HECTD4: variants seen among roughly 807,000 people sequenced by gnomAD.
HECTD4 encodes HECT domain E3 ubiquitin protein ligase 4.
Under a neutral mutation model 471.5 loss-of-function variants are expected in HECTD4, and 114 were observed. That is an observed-to-expected ratio of 0.24 (90% CI 0.21 to 0.28). The LOEUF is 0.28. Among genes scored for constraint, HECTD4 ranks in the 10% least tolerant of loss-of-function variants. The pLI is 1.00. For missense variants in HECTD4, 3,866 were observed against 5,651.5 expected, an observed-to-expected ratio of 0.68 and a Z score of 10.13; for synonymous variants, 2,012 against 2,256.0, an observed-to-expected ratio of 0.89 and a Z score of 3.07.
intron 1 of HECTD4, among the ~76,000 whole-genome samples, chr12:112,348,143 G>A (rs1216852307): frequency 2.0e-5 from 3 of 152,124 alleles, no homozygotes; most frequent in Admixed American, 1.3e-4. Context: ...TAATCAAATC[G>A]CTGCAGCACA....
intron 13 of HECTD4, among the ~76,000 whole-genome samples, chr12:112,267,991 TG>T (rs2034318904): frequency 6.6e-6 from 1 of 152,138 alleles, no homozygotes; most frequent in African/African-American, 2.4e-5. Context: ...GGGCTAATTT[TG>T]TTTTTACTTT....
At chr12:112,330,173 A>T (rs2035820891) in intron 1 of HECTD4, among the ~76,000 whole-genome samples, 1 of 151,852 alleles carries the variant, frequency 6.6e-6, no homozygotes, top group African/African-American at 2.4e-5. Flanking sequence ...GCTACTTGGG[A>T]CGCTGAGGCA....
At chr12:112,223,465 G>C (rs60082293) in intron 44 of HECTD4, among the ~76,000 whole-genome samples, 1 of 151,932 alleles carries the variant, frequency 6.6e-6, no homozygotes, top group Non-Finnish European at 1.5e-5. Flanking sequence ...TGTCTCCCAG[G>C]CTGGAGTGCA....
Position 112,176,706 on chromosome 12 carries a change from T to C in HECTD4, c.11364-4A>G. 6.2e-7 allele frequency: 1 copy of C among 1,604,524 alleles called. No individual in the cohort carries two copies. The highest frequency in any genetic ancestry group is 1.1e-5 in the South Asian group (1 of 90,902). On this transcript the variant is annotated splice_polypyrimidine_tract_variant and splice_region_variant and intron_variant, in intron 64 of 75. Coordinates refer to ENST00000682272, the MANE Select transcript of HECTD4 (RefSeq NM_001388303.1). ...CTTCTCACTTAAGGCAGTCCTGCTG[T>C]AGACCAAAGCACTGGAATTAGACTA...
At chr12:112,366,355 T>G (rs1240450727) in intron 1 of HECTD4, among the ~76,000 whole-genome samples, 1 of 151,404 alleles carries the variant, frequency 6.6e-6, no homozygotes, top group Non-Finnish European at 1.5e-5. Flanking sequence ...CAAAAAAATT[T>G]TTTTTAAATA....
chr12:112,304,367 C>T (rs758935130), intron 7 of HECTD4, among the ~76,000 whole-genome samples: 2 of 150,684 alleles, frequency 1.3e-5, no homozygotes, highest in Non-Finnish European at 2.9e-5. Flanking sequence ...CTGAAGTGAT[C>T]CTACTGCTCA....
chr12:112,352,437 G>A (rs991419527), intron 1 of HECTD4, among the ~76,000 whole-genome samples: 2 of 151,466 alleles, frequency 1.3e-5, no homozygotes, highest in African/African-American at 4.9e-5. Context: ...CTGGGCTCAA[G>A]CGATTCTCCT....
At chr12:112,347,327 C>T (rs1023020044) in intron 1 of HECTD4, among the ~76,000 whole-genome samples, 8 of 151,860 alleles carry the variant, frequency 5.3e-5, no homozygotes, top group East Asian at 1.9e-4. Flanking sequence ...CTGGCCAACA[C>T]GGCAAAAACC....
intron 34 of HECTD4, among the ~76,000 whole-genome samples, chr12:112,237,816 A>G (rs2033549489): frequency 6.7e-6 from 1 of 150,194 alleles, no homozygotes; most frequent in South Asian, 2.1e-4. Context: ...GTGCAATGGC[A>G]TGATCTTGGT....
intron 59 of HECTD4, among the ~76,000 whole-genome samples, chr12:112,191,488 T>C (rs1382057124): frequency 6.6e-6 from 1 of 152,174 alleles, no homozygotes; most frequent in Non-Finnish European, 1.5e-5. Context: ...CAAAGCTGTC[T>C]ACAGTGAGAG....
rs770097015 is a variant in HECTD4, at chr12:112,184,368, T to C, written c.10598A>G (p.Gln3533Arg). ...GCACAGGGAAATGTCCAGGCTTTCC[T>C]GGCTGGACACCGCGTGGGGCTCCAA... ...GLLEPHAVSS[Q>R]ESLDISLCST... Residue 3533 changes from glutamine (Q) to arginine (R), a missense_variant, in exon 61 of 76, where the codon CAG becomes CGG. Coordinates refer to ENST00000682272, the MANE Select transcript of HECTD4 (RefSeq NM_001388303.1). This position sits in a 1 kb window ranked among gnomAD's most constrained non-coding sequence, Gnocchi z 9.1. The C allele has an allele frequency of 1.2e-6, 2 of 1,612,048 alleles. No individual in the cohort carries two copies. Among genetic ancestry groups the C allele is most frequent in the South Asian group, 2.2e-5 (2 of 91,066 alleles).
At chr12:112,252,628 A>G (rs2033917892) in intron 22 of HECTD4, 100 bp from the exon 23 acceptor site, 1 of 1,335,282 alleles carries the variant, frequency 7.5e-7, no homozygotes, top group East Asian at 2.4e-5. Context: ...AAAGGACCAC[A>G]GCAATATTTC....
chr12:112,288,551 T>C (rs1269897343), intron 7 of HECTD4, among the ~76,000 whole-genome samples: 1 of 151,772 alleles, frequency 6.6e-6, no homozygotes, highest in Non-Finnish European at 1.5e-5. Context: ...GAGCCCAGAG[T>C]GGGGAGTTTG....
At chr12:112,272,088 G>A (rs2034425932) in intron 11 of HECTD4, among the ~76,000 whole-genome samples, 1 of 151,644 alleles carries the variant, frequency 6.6e-6, no homozygotes, top group African/African-American at 2.4e-5. Context: ...TTAAGTTGTT[G>A]CCCAGGCTGG....
chr12:112,221,394 A>G (rs1863284152), intron 44 of HECTD4, among the ~76,000 whole-genome samples: 1 of 152,004 alleles, frequency 6.6e-6, no homozygotes, highest in Admixed American at 6.6e-5. Flanking sequence ...GACTACAAGT[A>G]TCTACCACCA....
chr12:112,167,094 G>A, intron 72 of HECTD4: 1 of 458,712 alleles, frequency 2.2e-6, no homozygotes. Flanking sequence ...GGGCCAGCAG[G>A]GCTGGTCATG....
Position 112,235,055 on chromosome 12 carries a change from C to T in HECTD4, c.5915+22G>A. 1 of 1,549,994 alleles carries T rather than the reference C, an allele frequency of 6.5e-7. No homozygotes were observed. The highest frequency in any genetic ancestry group is 8.7e-7 in the Non-Finnish European group (1 of 1,145,754). ...ATGGGTGGTGCTTGAGGATGTGTAG[C>T]TATCACAATCATTATGGTCACCTTA... On this transcript the variant is annotated intron_variant, in intron 37 of 75. Transcript: ENST00000682272. The surrounding 1 kb of genome is among the most constrained non-coding windows in gnomAD (Gnocchi z 5.0).
At chr12:112,217,783 T>C in intron 45 of HECTD4, among the ~76,000 whole-genome samples, 1 of 152,242 alleles carries the variant, frequency 6.6e-6, no homozygotes, top group Admixed American at 6.5e-5. Flanking sequence ...AGCCCCCATG[T>C]AGTTACTGAA....
chr12:112,233,827 G>T (rs912482717), intron 37 of HECTD4, among the ~76,000 whole-genome samples: 28 of 146,410 alleles, frequency 1.9e-4, no homozygotes, highest in African/African-American at 7.2e-4. Flanking sequence ...GAGCCACAGC[G>T]CCTGGCCTAT....
Sources: gnomAD v4.1 joint callset for allele counts (sites outside exome capture counted in the v4.1 genomes callset) on GRCh38, gnomAD v4.1.1 for gene constraint, Gnocchi (gnomAD v3.1) non-coding constraint, MANE v1.5 for transcripts, NCBI Gene and HGNC (gene_info 2026-07-23, HGNC 2026-07-21) for gene names.